The following CHSY3 variants were observed in gnomAD, a reference collection of about 807,000 sequenced individuals.
CHSY3 encodes N-acetylgalactosaminyl-proteoglycan 3-beta-glucuronosyltransferase 3.
In CHSY3, 35 loss-of-function variants were observed where a neutral mutation model predicts 67.2. That is an observed-to-expected ratio of 0.52 (90% CI 0.40 to 0.69). The LOEUF (loss-of-function observed/expected upper bound fraction) is 0.69. CHSY3 is among the 30% of genes least tolerant of loss of function. The pLI is 0.00. For synonymous variants in CHSY3, 474 were observed against 434.7 expected (o/e 1.09, Z -1.12); for missense variants, 1,069 against 1,138.5 (o/e 0.94, Z 0.88).
At chr5:130,008,708 C>G (rs1384474329) in intron 2 of CHSY3, among the ~76,000 whole-genome samples, 1 of 152,140 alleles carries the variant, frequency 6.6e-6, no homozygotes, top group Non-Finnish European at 1.5e-5. Context: ...AACCCAATCC[C>G]AGGAATCTAC....
intron 2 of CHSY3, among the ~76,000 whole-genome samples, chr5:129,912,168 A>G (rs1274305955): frequency 1.3e-5 from 2 of 152,344 alleles, no homozygotes; most frequent in East Asian, 1.9e-4. Flanking sequence ...TATAAGATAT[A>G]TATAACTGAA....
intron 2 of CHSY3, among the ~76,000 whole-genome samples, chr5:129,934,559 C>T (rs940883790): frequency 2.0e-5 from 3 of 152,084 alleles, no homozygotes; most frequent in African/African-American, 7.2e-5. Context: ...ACTGGAGCAG[C>T]AGTCTGTAGC....
chr5:130,153,908 T>TTTTGTTTG (rs566849744), intron 2 of CHSY3, among the ~76,000 whole-genome samples: 17 of 150,252 alleles, frequency 1.1e-4, no homozygotes, highest in East Asian at 5.9e-4. Context: ...TTCTGGCTGT[T>TTTTGTTTG]TTTGTTTGTT....
chr5:130,029,997 C>T (rs1410827650), intron 2 of CHSY3, among the ~76,000 whole-genome samples: 1 of 152,134 alleles, frequency 6.6e-6, no homozygotes, highest in Non-Finnish European at 1.5e-5. Context: ...TTACTACAGA[C>T]ACAAATATTT....
chr5:130,119,835 C>G (rs1386405741), intron 2 of CHSY3, among the ~76,000 whole-genome samples: 1 of 151,986 alleles, frequency 6.6e-6, no homozygotes. Context: ...AAATTTTAGT[C>G]TACGCAAAAA....
At chr5:130,171,336 G>A (rs77872522) in intron 2 of CHSY3, among the ~76,000 whole-genome samples, 7,433 of 152,104 alleles carry the variant, frequency 0.049, 607 homozygotes, top group African/African-American at 0.17. Flanking sequence ...TTATTAGAGT[G>A]ATATTTTAGT....
chr5:130,109,814 C>T (rs2149703107), intron 2 of CHSY3, among the ~76,000 whole-genome samples: 1 of 151,694 alleles, frequency 6.6e-6, no homozygotes. Context: ...GGATATTGTC[C>T]TATGTAGGTT....
At chr5:130,012,762 G>A (rs1465475783) in intron 2 of CHSY3, among the ~76,000 whole-genome samples, 2 of 151,952 alleles carry the variant, frequency 1.3e-5, no homozygotes, top group African/African-American at 4.8e-5. Flanking sequence ...GATTTGGGTG[G>A]GGGCACAGCC....
chr5:130,009,332 A>G (rs1763977943), intron 2 of CHSY3, among the ~76,000 whole-genome samples: 1 of 152,184 alleles, frequency 6.6e-6, no homozygotes, highest in Non-Finnish European at 1.5e-5. Flanking sequence ...TAAAGAAAAA[A>G]AATTCCAACC....
At chr5:130,046,528 A>G (rs1765154721) in intron 2 of CHSY3, among the ~76,000 whole-genome samples, 1 of 152,150 alleles carries the variant, frequency 6.6e-6, no homozygotes, top group African/African-American at 2.4e-5. Context: ...GGGAAGCTGT[A>G]CCTACAGAGA....
chr5:129,946,357 G>C lies in CHSY3; in HGVS notation c.1086+37997G>C, dbSNP rs2149597960. On this transcript the variant is annotated intron_variant, in intron 2 of 2. Transcript: ENST00000305031. ...AATTATTAGCCAAAATTAGGCCAGG[G>C]CAAAATTTCAGATTATAGTATTAGA... Among the ~76,000 whole-genome samples, 2 of 152,128 alleles carry C rather than the reference G, an allele frequency of 1.3e-5. 1 individual carries two copies. The highest frequency in any genetic ancestry group is 6.8e-3 in the Middle Eastern group (2 of 294).
At chr5:130,094,964 A>G (rs1766997841) in intron 2 of CHSY3, among the ~76,000 whole-genome samples, 1 of 152,160 alleles carries the variant, frequency 6.6e-6, no homozygotes, top group South Asian at 2.1e-4. Context: ...TAGGAGTCCC[A>G]CTGTTAAGAG....
At chr5:129,914,269 C>T (rs1211230041) in intron 2 of CHSY3, among the ~76,000 whole-genome samples, 2 of 152,124 alleles carry the variant, frequency 1.3e-5, no homozygotes, top group African/African-American at 4.8e-5. Context: ...CACCACCACA[C>T]CCAGCTAACT....
In CHSY3 at chr5:129,965,659, G is replaced by A. The variant is rs137894425; in HGVS notation, c.1086+57299G>A. 2.1e-3 allele frequency among the ~76,000 whole-genome samples: 319 copies of A among 152,002 alleles called. 1 individual carries two copies. The highest frequency in any genetic ancestry group is 7.4e-3 in the African/African-American group (307 of 41,508). On this transcript the variant is annotated intron_variant, in intron 2 of 2. Coordinates refer to ENST00000305031, the MANE Select transcript of CHSY3 (RefSeq NM_175856.5). ...AGGTTTCAGAAAGGAACCTGGAATCGTGGGGAGGTTACTAATTTCTAACAT... is the reference window on the plus strand; with the variant it reads ...AGGTTTCAGAAAGGAACCTGGAATCATGGGGAGGTTACTAATTTCTAACAT...
chr5:130,079,534 A>G (rs911675648), intron 2 of CHSY3, among the ~76,000 whole-genome samples: 3 of 152,092 alleles, frequency 2.0e-5, no homozygotes, highest in South Asian at 2.1e-4. Context: ...TGTAGAGTGG[A>G]TATCTTTTCT....
chr5:130,075,940 A>G (rs1298577367), intron 2 of CHSY3, among the ~76,000 whole-genome samples: 1 of 152,082 alleles, frequency 6.6e-6, no homozygotes, highest in Non-Finnish European at 1.5e-5. Flanking sequence ...GGAATTACCA[A>G]CTTCTTAGCT....
intron 2 of CHSY3, among the ~76,000 whole-genome samples, chr5:130,020,446 TATATATATATATATA>T (rs1374787624): frequency 0.12 from 3,848 of 31,698 alleles, 278 homozygotes; most frequent in Middle Eastern, 0.27. Flanking sequence ...TATATATATA[TATATATATATATATA>T]TTTTTTTTTT....
rs1168240892 is a variant in CHSY3 at position 130,157,757 on chromosome 5, A to AAAAGAATGGCTACTCCATAG, written c.1087-26471_1087-26470insAAGAATGGCTACTCCATAGA. Among the ~76,000 whole-genome samples the AAAAGAATGGCTACTCCATAG allele has an allele frequency of 2.0e-3, 6 of 2,952 alleles. No individual in the cohort carries two copies. The Admixed American group carries it at 0.036, about 18-fold the overall frequency. 1.9% of individuals were successfully genotyped at this position (2,952 alleles called of 152,430 possible). ...AAGTTTATTTAAAAAGTAAAGAAATAACTGAGCAGTGGCATGCGCCACTGG... is the reference window on the plus strand; with the variant it reads ...AAGTTTATTTAAAAAGTAAAGAAATAAAAGAATGGCTACTCCATAGACTGAGCAGTGGCATGCGCCACTGG... On this transcript the variant is annotated intron_variant, in intron 2 of 2. Transcript: ENST00000305031.
At chr5:129,988,282 A>AGT (rs1763262365) in intron 2 of CHSY3, among the ~76,000 whole-genome samples, 1 of 152,238 alleles carries the variant, frequency 6.6e-6, no homozygotes, top group Non-Finnish European at 1.5e-5. Flanking sequence ...TCAGGTGATG[A>AGT]GTATGCAGGA....
Sources: gnomAD v4.1 joint callset for allele counts (sites outside exome capture counted in the v4.1 genomes callset) on GRCh38, gnomAD v4.1.1 for gene constraint, MANE v1.5 for transcripts, NCBI Gene and HGNC (gene_info 2026-07-23, HGNC 2026-07-21) for gene names.